Variants in SOS1 observed in about 807,000 individuals in gnomAD.
SOS1 encodes son of sevenless homolog 1.
In SOS1, 25 loss-of-function variants were observed where a neutral mutation model predicts 157.6. That is an observed-to-expected ratio of 0.16 (90% confidence interval 0.12 to 0.22). The LOEUF (loss-of-function observed/expected upper bound fraction) is 0.22, where lower values mean the gene tolerates loss of function less well. Among genes scored for constraint, SOS1 ranks in the 10% least tolerant of loss-of-function variants. The pLI, the probability that SOS1 is intolerant of heterozygous loss-of-function variation, is 1.00. For missense variants in SOS1, 1,237 were observed against 1,599.1 expected (o/e 0.77, Z 3.86); for synonymous variants, 528 against 534.0 (o/e 0.99, Z 0.16).
intron 16 of SOS1, 34 bp downstream of exon 16, chr2:39,006,997 A>G: frequency 6.9e-7 from 1 of 1,449,414 alleles, no homozygotes; most frequent in African/African-American, 1.4e-5. Context: ...ATAGGGAATG[A>G]AAGTTCATTT....
chr2:39,026,081 G>A lies in SOS1; in HGVS notation c.1075-1944C>T, dbSNP rs900062247. On this transcript the variant is annotated intron_variant, in intron 8 of 22. Transcript: ENST00000402219. Reference sequence around the variant, plus strand: ...TAAGTAAAAGAAAAATTTAGGCTGGGCACGGTGGTTCATGCCTGTAATCCC... The same window carrying A: ...TAAGTAAAAGAAAAATTTAGGCTGGACACGGTGGTTCATGCCTGTAATCCC... 4.6e-5 allele frequency among the ~76,000 whole-genome samples: 7 copies of A among 152,232 alleles called. No individual in the cohort carries two copies. In the East Asian group the frequency reaches 1.3e-3, roughly 29 times the overall value.
chr2:39,013,735 G>T, intron 12 of SOS1, 132 bp downstream of exon 12: 2 of 899,990 alleles, frequency 2.2e-6, no homozygotes, highest in Non-Finnish European at 3.6e-6. Context: ...TCTGATAACT[G>T]CTCTAATTAG....
At chr2:39,100,013 G>A (rs577320946) in intron 1 of SOS1, among the ~76,000 whole-genome samples, 4 of 152,280 alleles carry the variant, frequency 2.6e-5, no homozygotes, top group East Asian at 1.9e-4. Flanking sequence ...CACTGTGCCC[G>A]GCCAAGACTG....
intron 10 of SOS1, among the ~76,000 whole-genome samples, chr2:39,016,315 G>A (rs984430810): frequency 2.6e-5 from 4 of 152,000 alleles, no homozygotes; most frequent in South Asian, 4.1e-4. Flanking sequence ...ACCTTCTGAG[G>A]CTAGAGTGGG....
chr2:38,992,375 A>G (rs947358209), intron 20 of SOS1: 2 of 152,240 alleles, frequency 1.3e-5, no homozygotes, highest in Non-Finnish European at 2.9e-5. Context: ...TTTCTTTATC[A>G]TAAACAAAGA....
chr2:39,060,078 T>TCCA (rs1164893697), intron 2 of SOS1, among the ~76,000 whole-genome samples: 1 of 152,102 alleles, frequency 6.6e-6, no homozygotes, highest in African/African-American at 2.4e-5. Flanking sequence ...GAAGGGAACA[T>TCCA]CCAAAACAAG....
intron 20 of SOS1, among the ~76,000 whole-genome samples, chr2:38,994,336 A>G (rs1305408753): frequency 6.6e-6 from 1 of 152,202 alleles, no homozygotes; most frequent in Non-Finnish European, 1.5e-5. Flanking sequence ...GAAATAAGAG[A>G]TGGATAAGCA....
chr2:39,018,052 A>G (rs887060607), intron 10 of SOS1, among the ~76,000 whole-genome samples: 3 of 151,918 alleles, frequency 2.0e-5, no homozygotes, highest in Non-Finnish European at 2.9e-5. Flanking sequence ...TTAGTTGTGG[A>G]GCAGCAGTTA....
intron 1 of SOS1, among the ~76,000 whole-genome samples, chr2:39,068,843 C>T (rs1319799719): frequency 1.3e-5 from 2 of 152,024 alleles, no homozygotes; most frequent in Non-Finnish European, 2.9e-5. Context: ...TCCCTTTGTT[C>T]CTCCCTAAAT....
chr2:39,072,020 T>C (rs1030682502), intron 1 of SOS1, among the ~76,000 whole-genome samples: 3 of 152,154 alleles, frequency 2.0e-5, no homozygotes, highest in African/African-American at 7.2e-5. Flanking sequence ...TTCTTATCTC[T>C]AAGGCAGAAT....
At chr2:39,121,368 ACAC>A (rs1673889879), upstream of SOS1, among the ~76,000 whole-genome samples, 2 of 152,172 alleles carry the variant, frequency 1.3e-5, no homozygotes, top group Admixed American at 1.3e-4. Flanking sequence ...TTGTTCCTGA[ACAC>A]GAAGATAAGG....
chr2:39,110,036 G>GCC (rs1673358331), intron 1 of SOS1, among the ~76,000 whole-genome samples: 1 of 131,220 alleles, frequency 7.6e-6, no homozygotes, highest in African/African-American at 2.9e-5. Context: ...TTGTGTGTGT[G>GCC]TGCGTGTGTG....
At chr2:39,110,495 G>C (rs1673383034) in intron 1 of SOS1, among the ~76,000 whole-genome samples, 1 of 151,552 alleles carries the variant, frequency 6.6e-6, no homozygotes, top group Non-Finnish European at 1.5e-5. Context: ...CTCTTCAACA[G>C]GCTACTACTC....
intron 1 of SOS1, among the ~76,000 whole-genome samples, chr2:39,077,267 A>G (rs995272044): frequency 6.6e-6 from 1 of 151,616 alleles, no homozygotes; most frequent in Non-Finnish European, 1.5e-5. Flanking sequence ...GCTTGATCCC[A>G]GGAGGCGGAG....
intron 8 of SOS1, among the ~76,000 whole-genome samples, chr2:39,032,531 G>A (rs1670198381): frequency 6.6e-6 from 1 of 152,134 alleles, no homozygotes; most frequent in Non-Finnish European, 1.5e-5. Flanking sequence ...TTTATTGAAA[G>A]CCTAAATGCC....
intron 1 of SOS1, among the ~76,000 whole-genome samples, chr2:39,103,256 G>C (rs1022120803): frequency 2.0e-5 from 3 of 152,050 alleles, no homozygotes; most frequent in African/African-American, 7.2e-5. Context: ...CAGATTCGAT[G>C]CAATCTCTAT....
At chr2:39,051,564 T>A (rs1671017593) in intron 5 of SOS1, among the ~76,000 whole-genome samples, 1 of 152,182 alleles carries the variant, frequency 6.6e-6, no homozygotes, top group Non-Finnish European at 1.5e-5. Context: ...CTAAAAACCT[T>A]TTGTTTATAA....
chr2:39,062,986 A>AT (rs1290741074), intron 2 of SOS1, among the ~76,000 whole-genome samples: 1 of 152,188 alleles, frequency 6.6e-6, no homozygotes, highest in South Asian at 2.1e-4. Flanking sequence ...CCAGCATTAA[A>AT]ATATATATAA....
At chr2:39,025,541 G>A (rs1184863677) in intron 8 of SOS1, among the ~76,000 whole-genome samples, 6 of 148,414 alleles carry the variant, frequency 4.0e-5, no homozygotes, top group Non-Finnish European at 8.9e-5. Context: ...TTTACTTCTA[G>A]TAGAGACAAG....
Sources: gnomAD v4.1 joint callset for allele counts (sites outside exome capture counted in the v4.1 genomes callset) on GRCh38, gnomAD v4.1.1 for gene constraint, MANE v1.5 for transcripts, NCBI Gene and HGNC (gene_info 2026-07-23, HGNC 2026-07-21) for gene names.